TK2: variants seen among roughly 807,000 people sequenced by gnomAD.
TK2 encodes thymidine kinase 2.
TK2 carries 35 observed loss-of-function variants against 41.9 expected under a neutral mutation model. The observed-to-expected ratio is 0.84, with a 90% CI of 0.64 to 1.11. TK2 has a LOEUF of 1.11. Among genes scored for constraint, TK2 ranks in the 50% least tolerant of loss-of-function variants. The pLI, the probability that TK2 is intolerant of heterozygous loss-of-function variation, is 0.00. For missense variants in TK2, 320 were observed against 351.1 expected (o/e 0.91, Z 0.71); for synonymous variants, 128 against 129.1 (o/e 0.99, Z 0.06).
At chr16:66,549,152 A>G (rs2144492903) in intron 1 of TK2, 143 bp from the exon 2 acceptor site, 1 of 1,522,244 alleles carries the variant, frequency 6.6e-7, no homozygotes, top group Non-Finnish European at 8.8e-7. Context: ...GCCCTCCGAG[A>G]TTGGAGGCGC....
chr16:66,523,854 C>T (rs979805516), intron 6 of TK2, among the ~76,000 whole-genome samples: 2 of 151,962 alleles, frequency 1.3e-5, no homozygotes, highest in South Asian at 4.2e-4. Context: ...AAACAAAAAA[C>T]AAAAAAACCC....
chr16:66,519,706 T>C (rs1964723200), intron 6 of TK2, among the ~76,000 whole-genome samples: 1 of 152,092 alleles, frequency 6.6e-6, no homozygotes, highest in Non-Finnish European at 1.5e-5. Flanking sequence ...AGCAGAGGAA[T>C]TCTCCCTTTA....
chr16:66,550,143 C>T, upstream of TK2: 1 of 1,612,526 alleles, frequency 6.2e-7, no homozygotes. Flanking sequence ...CCGTTGGGCG[C>T]CGCCTGGATC....
intron 6 of TK2, among the ~76,000 whole-genome samples, chr16:66,527,126 A>G (rs9924426): frequency 0.063 from 9,521 of 152,260 alleles, 972 homozygotes; most frequent in African/African-American, 0.22. Flanking sequence ...CTAGCAGTGG[A>G]CACCTGGAAA....
intron 6 of TK2, among the ~76,000 whole-genome samples, chr16:66,524,001 C>T (rs2144380306): frequency 6.6e-6 from 1 of 152,296 alleles, no homozygotes; most frequent in East Asian, 1.9e-4. Context: ...ATACTTTTTA[C>T]TTTGCCCTAT....
intron 4 of TK2, 103 bp from the exon 5 acceptor site, chr16:66,531,572 G>T: frequency 2.7e-6 from 3 of 1,115,310 alleles, no homozygotes; most frequent in South Asian, 1.3e-5. Flanking sequence ...TACACAGGCA[G>T]GGTTGGGGCT....
At chr16:66,546,403 T>C (rs1244741540) in intron 2 of TK2, among the ~76,000 whole-genome samples, 2 of 152,202 alleles carry the variant, frequency 1.3e-5, no homozygotes, top group East Asian at 3.8e-4. Flanking sequence ...CCCAGCTGAA[T>C]TTCATTTAAC....
rs1014238892 is a variant in TK2 at position 66,522,748 on chromosome 16, C to T, written c.450-4871G>A. ...GGGCGTTGTGGCACATGACTAATCC[C>T]AGCTACTCGGGAGGCTGAGGCAGGA... On this transcript the variant is annotated intron_variant, in intron 6 of 9. Transcript: ENST00000544898. Among the ~76,000 whole-genome samples, 3 of 152,256 alleles carry T rather than the reference C, an allele frequency of 2.0e-5. No homozygotes were observed. The East Asian group carries it at 5.8e-4, about 29-fold the overall frequency.
chr16:66,532,312 A>G (rs1965140624), intron 4 of TK2, among the ~76,000 whole-genome samples: 1 of 152,172 alleles, frequency 6.6e-6, no homozygotes, highest in South Asian at 2.1e-4. Context: ...TACAAAGAAT[A>G]TAAAATACCA....
chr16:66,524,285 G>A (rs1567529888), intron 6 of TK2, among the ~76,000 whole-genome samples: 1 of 152,268 alleles, frequency 6.6e-6, no homozygotes, highest in African/African-American at 2.4e-5. Context: ...GGGGAAAAGG[G>A]TCGTGGCATT....
At chr16:66,545,026 G>A (rs917780441) in intron 2 of TK2, among the ~76,000 whole-genome samples, 1 of 149,730 alleles carries the variant, frequency 6.7e-6, no homozygotes, top group African/African-American at 2.5e-5. Context: ...GCTGAGAGGT[G>A]GAGGTTGTGG....
In TK2 at chr16:66,529,029, G is replaced by T. The variant is rs773566302; in HGVS notation, c.414C>A (p.Ser138Arg). The T allele has an allele frequency of 6.2e-7, 1 of 1,613,974 alleles. No homozygotes were observed. The highest frequency in any genetic ancestry group is 1.7e-5 in the Admixed American group (1 of 60,010). Reference sequence around the variant, plus strand: ...GGTTTTCTACAAAAATGTATCTTGCGCTGTGAATCGACCTCTCCATCAACC... The same window carrying T: ...GGTTTTCTACAAAAATGTATCTTGCTCTGTGAATCGACCTCTCCATCAACC... The part of the protein sequence containing the change: ...SVRLMERSIH[S>R]ARYIFVENLY... The change falls in exon 6 of 10, where the codon AGC becomes AGA. Residue 138 changes from serine to arginine, a missense_variant. Transcript: ENST00000544898.
At chr16:66,519,917 C>T (rs1455946313) in intron 6 of TK2, among the ~76,000 whole-genome samples, 1 of 152,174 alleles carries the variant, frequency 6.6e-6, no homozygotes, top group African/African-American at 2.4e-5. Context: ...GAGGCAGGCA[C>T]TCTGGGAGGC....
chr16:66,533,289 T>C (rs1023228458), intron 4 of TK2, among the ~76,000 whole-genome samples: 2 of 125,822 alleles, frequency 1.6e-5, no homozygotes, highest in African/African-American at 3.1e-5. Flanking sequence ...GCCAGGCAGA[T>C]CATGCCACTG....
At chr16:66,538,155 T>G (rs1965345011) in intron 3 of TK2, among the ~76,000 whole-genome samples, 1 of 152,000 alleles carries the variant, frequency 6.6e-6, no homozygotes, top group South Asian at 2.1e-4. Flanking sequence ...AGAGCAAGAC[T>G]CCGTCTCTAA....
intron 6 of TK2, among the ~76,000 whole-genome samples, chr16:66,518,960 AT>A (rs571840327): frequency 7.5e-4 from 110 of 146,062 alleles, no homozygotes; most frequent in Admixed American, 6.8e-4. Context: ...GTTTTTATTT[AT>A]TTTTTTTTTT....
chr16:66,522,393 G>A (rs1476036763), intron 6 of TK2, among the ~76,000 whole-genome samples: 5 of 152,170 alleles, frequency 3.3e-5, no homozygotes, highest in East Asian at 1.9e-4. Context: ...GCCACTTCCC[G>A]AGCTGGGTCC....
intron 5 of TK2, among the ~76,000 whole-genome samples, chr16:66,530,858 T>C (rs866153025): frequency 6.6e-6 from 1 of 152,070 alleles, no homozygotes; most frequent in South Asian, 2.1e-4. Flanking sequence ...GCTGGGATTA[T>C]AGGCACACAC....
At position 66,508,944 on chromosome 16, in the gene TK2, G is replaced by A. The variant is rs761302204; in HGVS notation, c.*3024C>T. 12 of 152,262 alleles carry A rather than the reference G, an allele frequency of 7.9e-5. No individual in the cohort carries two copies. The highest frequency in any genetic ancestry group is 4.1e-4 in the South Asian group (2 of 4,826). 9.4% of individuals were successfully genotyped at this position (152,262 alleles called of 1,614,324 possible). The stretch of plus-strand genomic sequence containing the variant: ...GGCCTTGCAAGGGACATTACGGTAC[G>A]GGATGGGAATGGTGAGGGTGAGGAT... On this transcript the variant is annotated 3_prime_UTR_variant, in exon 10 of 10. Transcript: ENST00000544898.
Sources: gnomAD v4.1 joint callset for allele counts (sites outside exome capture counted in the v4.1 genomes callset) on GRCh38, gnomAD v4.1.1 for gene constraint, MANE v1.5 for transcripts, NCBI Gene and HGNC (gene_info 2026-07-23, HGNC 2026-07-21) for gene names.